The following LHFPL3 variants were observed in gnomAD, a reference collection of about 807,000 sequenced individuals.
LHFPL3 encodes the protein LHFPL tetraspan subfamily member 3, also known as LHFPL tetraspan subfamily member 3 protein.
In LHFPL3, 5 loss-of-function variants were observed where a neutral mutation model predicts 19.3. The ratio of observed to expected loss-of-function variants is 0.26; its 90% CI spans 0.14 to 0.54. The LOEUF (loss-of-function observed/expected upper bound fraction) is 0.54. Among genes scored for constraint, LHFPL3 ranks in the 20% least tolerant of loss-of-function variants. The probability of loss-of-function intolerance (pLI) is 0.94; values close to 1 mark genes in which losing one functional copy is unlikely to be tolerated. For synonymous variants in LHFPL3, 133 were observed against 126.2 expected, an observed-to-expected ratio of 1.05 and a Z score of -0.36; for missense variants, 249 against 307.4, an observed-to-expected ratio of 0.81 and a Z score of 1.42.
intron 2 of LHFPL3, among the ~76,000 whole-genome samples, chr7:104,824,496 TTA>T (rs1221731304): frequency 5.8e-5 from 4 of 69,260 alleles, no homozygotes; most frequent in African/African-American, 2.4e-4. Context: ...TAATCTATAA[TTA>T]TATATATTAT....
intron 1 of LHFPL3, among the ~76,000 whole-genome samples, chr7:104,592,320 G>A (rs565476943): frequency 6.6e-6 from 1 of 152,236 alleles, no homozygotes; most frequent in Non-Finnish European, 1.5e-5. Context: ...TATCCTTTCT[G>A]TTTCTTAATT....
At chr7:104,628,632 A>G (rs1233888532) in intron 1 of LHFPL3, among the ~76,000 whole-genome samples, 1 of 152,166 alleles carries the variant, frequency 6.6e-6, no homozygotes, top group Non-Finnish European at 1.5e-5. Context: ...TTTCAAGTAG[A>G]TTTTGCATGT....
At chr7:104,429,919 C>T (rs1369249002) in intron 1 of LHFPL3, among the ~76,000 whole-genome samples, 2 of 151,986 alleles carry the variant, frequency 1.3e-5, no homozygotes, top group African/African-American at 4.8e-5. Flanking sequence ...AATGTGCCTG[C>T]CTGCTGATGT....
At chr7:104,392,862 C>G (rs562102731) in intron 1 of LHFPL3, among the ~76,000 whole-genome samples, 2 of 152,112 alleles carry the variant, frequency 1.3e-5, no homozygotes, top group Admixed American at 1.3e-4. Flanking sequence ...CCTCAATTTC[C>G]GAGCCTGTTA....
rs1043730403 is a variant in LHFPL3 at position 104,399,958 on chromosome 7, G to T, written c.445+70734G>T. ...GTCTCTACTAAAAATACAAAAATTAGCTGGGCATGGTGGCAGATGCCTGTA... is the reference window on the plus strand; with the variant it reads ...GTCTCTACTAAAAATACAAAAATTATCTGGGCATGGTGGCAGATGCCTGTA... On this transcript the variant is annotated intron_variant, in intron 1 of 2. Coordinates refer to ENST00000424859, the MANE Select transcript of LHFPL3 (RefSeq NM_199000.3). This position sits in a 1 kb window ranked among gnomAD's most constrained non-coding sequence, Gnocchi z 4.4. 1.3e-5 allele frequency among the ~76,000 whole-genome samples: 2 copies of T among 151,146 alleles called. No homozygotes were observed. Among genetic ancestry groups the T allele is most frequent in the Non-Finnish European group, 3.0e-5 (2 of 67,762 alleles).
intron 1 of LHFPL3, among the ~76,000 whole-genome samples, chr7:104,340,502 T>A (rs1251898996): frequency 1.3e-5 from 2 of 152,180 alleles, no homozygotes. Context: ...TTAGCTATGA[T>A]TACTGTTACT....
rs559086658 is a variant in LHFPL3, at chr7:104,859,884, CA to C, written c.683-46300del. 1.9e-4 allele frequency among the ~76,000 whole-genome samples: 29 copies of C among 152,172 alleles called. No homozygotes were observed. In the East Asian group the frequency reaches 4.6e-3, roughly 24 times the overall value. On this transcript the variant is annotated intron_variant, in intron 2 of 2. Transcript: ENST00000424859. ...GTCAATGTAGGTTTATCAATTGTAA[CA>C]AATGTATCACTGGTAGGAGATGTTG... is the stretch of plus-strand genomic sequence containing the variant.
chr7:104,381,159 C>T (rs1790820678), intron 1 of LHFPL3, among the ~76,000 whole-genome samples: 3 of 152,150 alleles, frequency 2.0e-5, no homozygotes. Context: ...TCACTTGTGA[C>T]ATTTAGCTTA....
Position 104,668,305 on chromosome 7 carries a change from G to A in LHFPL3, c.446-68370G>A, listed in dbSNP as rs939480912. 2.2e-5 allele frequency: 36 copies of A among 1,604,504 alleles called. No homozygotes were observed. In the African/African-American group the frequency reaches 2.7e-4, roughly 12 times the overall value. Reference sequence around the variant, plus strand: ...GACAGGGATGATCCTCCTTTTGGCCGTGATAGAAATCGGGATTCTGACAAA... The same window carrying A: ...GACAGGGATGATCCTCCTTTTGGCCATGATAGAAATCGGGATTCTGACAAA... On this transcript the variant is annotated intron_variant, in intron 1 of 2. Coordinates refer to ENST00000424859, the MANE Select transcript of LHFPL3 (RefSeq NM_199000.3).
chr7:104,429,268 G>A (rs1410385281), intron 1 of LHFPL3, among the ~76,000 whole-genome samples: 1 of 149,414 alleles, frequency 6.7e-6, no homozygotes, highest in African/African-American at 2.5e-5. Flanking sequence ...AAAGATCCAA[G>A]GATGCATATT....
At chr7:104,574,327 G>A (rs1318642849) in intron 1 of LHFPL3, among the ~76,000 whole-genome samples, 1 of 152,168 alleles carries the variant, frequency 6.6e-6, no homozygotes, top group African/African-American at 2.4e-5. Context: ...AGGGGGCAGG[G>A]ACAGGGACAA....
Position 104,328,791 on chromosome 7 carries a change from C to G in LHFPL3, c.12C>G (p.Ala4=). Residue 4 remains alanine, a synonymous_variant, in exon 1 of 3, where the codon GCC becomes GCG. Coordinates refer to ENST00000424859, the MANE Select transcript of LHFPL3 (RefSeq NM_199000.3). This position sits in a 1 kb window ranked among gnomAD's most constrained non-coding sequence, Gnocchi z 4.6. The part of the protein sequence containing the change: MPG[A]AAAAAAAAAA... ...GGAGGAGGGGGAGAATGCCCGGAGC[C>G]GCCGCCGCTGCCGCCGCCGCCGCCG... 3 of 1,595,036 alleles carry G rather than the reference C, an allele frequency of 1.9e-6. No individual in the cohort carries two copies. The East Asian group carries it at 6.9e-5, about 36-fold the overall frequency.
At chr7:104,609,220 G>C (rs533394001) in intron 1 of LHFPL3, among the ~76,000 whole-genome samples, 1 of 151,630 alleles carries the variant, frequency 6.6e-6, no homozygotes, top group Non-Finnish European at 1.5e-5. Flanking sequence ...AGCTGAGACC[G>C]TGCCACTACA....
At chr7:104,891,467 C>T (rs1783818067) in intron 2 of LHFPL3, among the ~76,000 whole-genome samples, 1 of 152,174 alleles carries the variant, frequency 6.6e-6, no homozygotes, top group African/African-American at 2.4e-5. Flanking sequence ...CCAGTGACAA[C>T]AGCATTAATC....
At chr7:104,336,261 A>T (rs947602366) in intron 1 of LHFPL3, among the ~76,000 whole-genome samples, 1 of 152,198 alleles carries the variant, frequency 6.6e-6, no homozygotes, top group African/African-American at 2.4e-5. Context: ...AATAGTAGAT[A>T]AGTTATTTGA....
chr7:104,619,194 G>T (rs1360844110), intron 1 of LHFPL3, among the ~76,000 whole-genome samples: 3 of 152,076 alleles, frequency 2.0e-5, no homozygotes, highest in Non-Finnish European at 2.9e-5. Context: ...ACATATTATT[G>T]TTCTACAGTT....
intron 2 of LHFPL3, among the ~76,000 whole-genome samples, chr7:104,871,508 A>C (rs1791837383): frequency 6.6e-6 from 1 of 152,180 alleles, no homozygotes; most frequent in Non-Finnish European, 1.5e-5. Flanking sequence ...GCTACACTAA[A>C]TTTATTTTTA....
chr7:104,343,008 T>TC (rs1789986965), intron 1 of LHFPL3, among the ~76,000 whole-genome samples: 1 of 151,754 alleles, frequency 6.6e-6, no homozygotes, highest in Admixed American at 6.6e-5. Flanking sequence ...TTTTTTTTTT[T>TC]TTTGCAAATT....
At chr7:104,637,792 T>G (rs1157725097) in intron 1 of LHFPL3, among the ~76,000 whole-genome samples, 2 of 151,628 alleles carry the variant, frequency 1.3e-5, no homozygotes, top group Non-Finnish European at 2.9e-5. Flanking sequence ...AGCCCTTTAG[T>G]ATAGTTTGAA....
Sources: gnomAD v4.1 joint callset for allele counts (sites outside exome capture counted in the v4.1 genomes callset) on GRCh38, gnomAD v4.1.1 for gene constraint, Gnocchi (gnomAD v3.1) non-coding constraint, MANE v1.5 for transcripts, NCBI Gene and HGNC (gene_info 2026-07-23, HGNC 2026-07-21) for gene names.